Variants in CSMD3 observed in about 807,000 individuals in gnomAD.
CSMD3 encodes CUB and Sushi multiple domains 3, also known as CUB and sushi domain-containing protein 3.
CSMD3 carries 177 observed loss-of-function variants against 435.2 expected under a neutral mutation model. The observed-to-expected ratio is 0.41, with a 90% confidence interval of 0.36 to 0.46. CSMD3 has a LOEUF of 0.46. Among genes scored for constraint, CSMD3 ranks in the 20% least tolerant of loss-of-function variants. The pLI, the probability that CSMD3 is intolerant of heterozygous loss-of-function variation, is 0.34. For synonymous variants in CSMD3, 1,656 were observed against 1,520.5 expected (o/e 1.09, Z -2.07); for missense variants, 4,265 against 4,504.6 (o/e 0.95, Z 1.52).
chr8:112,990,602 C>T (rs998935677), intron 6 of CSMD3, among the ~76,000 whole-genome samples: 5 of 151,674 alleles, frequency 3.3e-5, no homozygotes, highest in African/African-American at 9.7e-5. Context: ...GTAAATAGTC[C>T]AAACAGAGGC....
Position 112,650,366 on chromosome 8 carries a change from A to G in CSMD3, c.3005-17T>C, listed in dbSNP as rs1206096513. ...CTGTAACACCTGGAAAACAAAGGGA[A>G]GAAAATAAAGAGTAAGCTTGGTGGG... On this transcript the variant is annotated splice_polypyrimidine_tract_variant and intron_variant, in intron 18 of 70. Transcript: ENST00000297405. The G allele has an allele frequency of 3.1e-6, 5 of 1,596,282 alleles. No homozygotes were observed. The highest frequency in any genetic ancestry group is 1.3e-5 in the African/African-American group (1 of 74,528).
intron 1 of CSMD3, among the ~76,000 whole-genome samples, chr8:113,384,375 T>C (rs946879050): frequency 6.6e-6 from 1 of 152,188 alleles, no homozygotes; most frequent in Non-Finnish European, 1.5e-5. Flanking sequence ...TGGAAATCTA[T>C]ATAGTGTATC....
At chr8:113,086,628 C>CAT (rs2089791242) in intron 5 of CSMD3, among the ~76,000 whole-genome samples, 1 of 152,092 alleles carries the variant, frequency 6.6e-6, no homozygotes, top group Non-Finnish European at 1.5e-5. Flanking sequence ...TTTCATCAGG[C>CAT]ATATCTACTG....
intron 7 of CSMD3, among the ~76,000 whole-genome samples, chr8:112,963,727 A>G (rs954145572): frequency 3.3e-5 from 5 of 152,002 alleles, no homozygotes; most frequent in African/African-American, 1.2e-4. Flanking sequence ...AAAACTGGCA[A>G]GAAAAAATAT....
chr8:113,084,760 C>A (rs1036050744), intron 5 of CSMD3, among the ~76,000 whole-genome samples: 5 of 151,622 alleles, frequency 3.3e-5, no homozygotes, highest in African/African-American at 4.8e-5. Flanking sequence ...GGTATGAAAG[C>A]AGATACGTAG....
chr8:112,235,321 T>C (rs1003187661), intron 67 of CSMD3, among the ~76,000 whole-genome samples: 3 of 151,942 alleles, frequency 2.0e-5, no homozygotes, highest in East Asian at 1.9e-4. Flanking sequence ...GAGCCGGAGG[T>C]TGCAGTGAGC....
intron 5 of CSMD3, among the ~76,000 whole-genome samples, chr8:113,036,926 T>A: frequency 6.6e-6 from 1 of 152,134 alleles, no homozygotes; most frequent in East Asian, 1.9e-4. Context: ...ATGTGAACTA[T>A]GCATATATTT....
At chr8:112,461,197 T>C (rs1005275993) in intron 32 of CSMD3, among the ~76,000 whole-genome samples, 1 of 152,154 alleles carries the variant, frequency 6.6e-6, no homozygotes, top group East Asian at 1.9e-4. Flanking sequence ...ATCAGTGGGA[T>C]AGTGTCAGAA....
At chr8:112,760,777 C>T (rs1477000313) in intron 13 of CSMD3, among the ~76,000 whole-genome samples, 2 of 152,100 alleles carry the variant, frequency 1.3e-5, no homozygotes, top group East Asian at 1.9e-4. Flanking sequence ...TGAGGCAGAA[C>T]AGCCAGGCCA....
At chr8:113,383,781 C>T (rs920300850) in intron 1 of CSMD3, among the ~76,000 whole-genome samples, 2 of 152,146 alleles carry the variant, frequency 1.3e-5, no homozygotes, top group African/African-American at 4.8e-5. Flanking sequence ...AGGCTGATCA[C>T]TCCTGTGTTT....
chr8:113,344,107 GA>G (rs1318418057), intron 1 of CSMD3, among the ~76,000 whole-genome samples: 2 of 152,030 alleles, frequency 1.3e-5, no homozygotes. Flanking sequence ...GTGTGAAGAA[GA>G]ACATTTCCAC....
chr8:112,863,693 G>A (rs980288717), intron 10 of CSMD3, among the ~76,000 whole-genome samples: 4 of 151,852 alleles, frequency 2.6e-5, no homozygotes, highest in South Asian at 4.1e-4. Context: ...CAATTTTATT[G>A]AGTTCAAACA....
At chr8:112,571,536 T>A (rs1176505685) in intron 24 of CSMD3, among the ~76,000 whole-genome samples, 2 of 151,726 alleles carry the variant, frequency 1.3e-5, no homozygotes, top group Non-Finnish European at 2.9e-5. Context: ...AACAAAAAAA[T>A]CCAGGTTTCT....
intron 1 of CSMD3, chr8:113,377,101 A>G: frequency 7.8e-7 from 1 of 1,278,752 alleles, no homozygotes; most frequent in South Asian, 1.4e-5. Context: ...GGACTCCCCC[A>G]AGGGCTGCGG....
rs183374949 is a variant in CSMD3 at position 112,900,373 on chromosome 8, C to A, written c.1633+21254G>T. On this transcript the variant is annotated intron_variant, in intron 10 of 70. Transcript: ENST00000297405. ...TTTGGAAGATGAGATGTGTCTCTCT[C>A]TAGAGTCTGGAGCAATAGGACAGGC... Among the ~76,000 whole-genome samples, 607 of 151,282 alleles carry A rather than the reference C, an allele frequency of 4.0e-3. 4 individuals are homozygous for A. The highest frequency in any genetic ancestry group is 7.5e-3 in the Non-Finnish European group (507 of 67,488).
intron 4 of CSMD3, among the ~76,000 whole-genome samples, chr8:113,142,650 T>C (rs879665496): frequency 3.3e-5 from 5 of 151,002 alleles, no homozygotes; most frequent in Admixed American, 2.0e-4. Context: ...TAGACACATA[T>C]AATTAGAATG....
intron 35 of CSMD3, among the ~76,000 whole-genome samples, chr8:112,391,515 A>T (rs913199492): frequency 6.6e-6 from 1 of 152,078 alleles, no homozygotes; most frequent in Non-Finnish European, 1.5e-5. Flanking sequence ...AATATGGTGA[A>T]ACCCCGTCTC....
chr8:112,930,997 C>A (rs938280099), intron 9 of CSMD3, among the ~76,000 whole-genome samples: 66 of 152,116 alleles, frequency 4.3e-4, no homozygotes, highest in African/African-American at 1.4e-3. Flanking sequence ...ATCAACTTTT[C>A]CACATTCAAT....
chr8:113,022,715 T>C (rs1280435253), intron 5 of CSMD3, among the ~76,000 whole-genome samples: 1 of 151,686 alleles, frequency 6.6e-6, no homozygotes, highest in East Asian at 1.9e-4. Flanking sequence ...ATTTGTTCCC[T>C]AATACTCTAG....
Sources: gnomAD v4.1 joint callset for allele counts (sites outside exome capture counted in the v4.1 genomes callset) on GRCh38, gnomAD v4.1.1 for gene constraint, MANE v1.5 for transcripts, NCBI Gene and HGNC (gene_info 2026-07-23, HGNC 2026-07-21) for gene names.